The following CMTM8 variants were observed in gnomAD, a reference collection of about 807,000 sequenced individuals.
CMTM8 encodes CKLF-like MARVEL transmembrane domain-containing protein 8.
CMTM8 carries 12 observed loss-of-function variants against 18.6 expected under a neutral mutation model. The observed-to-expected ratio is 0.65, with a 90% CI of 0.41 to 1.05. The LOEUF is 1.05. CMTM8 is among the 50% of genes least tolerant of loss of function. CMTM8 has a pLI of 0.00. For synonymous variants in CMTM8, 87 were observed against 90.6 expected (o/e 0.96, Z 0.23); for missense variants, 217 against 227.2 (o/e 0.95, Z 0.29).
intron 1 of CMTM8, among the ~76,000 whole-genome samples, chr3:32,337,750 TG>T (rs1175322747): frequency 7.2e-5 from 11 of 152,280 alleles, no homozygotes; most frequent in Admixed American, 6.5e-4. Context: ...CACATGCTCC[TG>T]GGGGATACTG....
chr3:32,246,657 A>G (rs887336224), intron 1 of CMTM8, among the ~76,000 whole-genome samples: 1 of 152,230 alleles, frequency 6.6e-6, no homozygotes, highest in African/African-American at 2.4e-5. Context: ...TATTCCATAA[A>G]TATCCAGGCT....
intron 1 of CMTM8, 143 bp from the exon 2 acceptor site, chr3:32,357,230 G>A: frequency 1.3e-6 from 1 of 741,142 alleles, no homozygotes; most frequent in Non-Finnish European, 2.2e-6. Context: ...GGCGACGGGA[G>A]CGAGACTCCA....
At chr3:32,315,690 A>C (rs546108141) in intron 1 of CMTM8, among the ~76,000 whole-genome samples, 7 of 152,360 alleles carry the variant, frequency 4.6e-5, no homozygotes, top group Non-Finnish European at 7.3e-5. Flanking sequence ...GCTTGAGTCC[A>C]GCTTTTCCCA....
At chr3:32,307,196 TG>T (rs1275281522) in intron 1 of CMTM8, among the ~76,000 whole-genome samples, 1 of 152,086 alleles carries the variant, frequency 6.6e-6, no homozygotes, top group Non-Finnish European at 1.5e-5. Context: ...AAAAATTAGC[TG>T]GGCATGGTTG....
At chr3:32,360,076 G>A (rs1420636521) in intron 2 of CMTM8, among the ~76,000 whole-genome samples, 1 of 152,134 alleles carries the variant, frequency 6.6e-6, no homozygotes, top group Non-Finnish European at 1.5e-5. Flanking sequence ...CTTAAGCAAG[G>A]CTGTCAGCCT....
In CMTM8 at chr3:32,298,890, TACACACATACACACAC is replaced by T. The variant is rs1428320444; in HGVS notation, c.148-58463_148-58448del. Among the ~76,000 whole-genome samples, 345 of 144,778 alleles carry T rather than the reference TACACACATACACACAC, an allele frequency of 2.4e-3. 3 individuals carry two copies. The highest frequency in any genetic ancestry group is 4.0e-3 in the Non-Finnish European group (266 of 66,434). The allele number at this position is 144,778 out of a possible 152,430, so 95.0% of individuals were successfully genotyped here. A position where few individuals can be genotyped will look rare whatever the true frequency, so the allele number is the denominator to read the frequency against. On this transcript the variant is annotated intron_variant, in intron 1 of 3. Coordinates refer to ENST00000307526, the MANE Select transcript of CMTM8 (RefSeq NM_178868.5). ...ATATATACACACACATACATATATA[TACACACATACACACAC>T]ACACACATACACACACACATATATA...
chr3:32,238,629 C>G (rs1325810112), upstream of CMTM8: 1 of 153,974 alleles, frequency 6.5e-6, no homozygotes, highest in Non-Finnish European at 1.4e-5. Context: ...GGCGGTCCCT[C>G]TCCTGCCCGC....
Position 32,322,332 on chromosome 3 carries a change from T to C in CMTM8, c.148-35041T>C, listed in dbSNP as rs1696073600. On this transcript the variant is annotated intron_variant, in intron 1 of 3. Coordinates refer to ENST00000307526, the MANE Select transcript of CMTM8 (RefSeq NM_178868.5). ...TAATTATTTGGTCATCTTTCAAATA[T>C]TCTTTAGTGGTGTGTTTATTAATTA... Among the ~76,000 whole-genome samples the C allele has an allele frequency of 1.3e-5, 2 of 152,198 alleles. 1 individual carries two copies. Among genetic ancestry groups the C allele is most frequent in the African/African-American group, 4.8e-5 (2 of 41,442 alleles).
chr3:32,299,381 G>A (rs1695567413), intron 1 of CMTM8, among the ~76,000 whole-genome samples: 1 of 152,134 alleles, frequency 6.6e-6, no homozygotes, highest in African/African-American at 2.4e-5. Flanking sequence ...ATTCTATTTA[G>A]CTCAACTGTC....
At chr3:32,366,602 C>T (rs911877142) in intron 2 of CMTM8, among the ~76,000 whole-genome samples, 9 of 152,028 alleles carry the variant, frequency 5.9e-5, no homozygotes, top group African/African-American at 2.2e-4. Context: ...ATTGAAATGC[C>T]CATCAATAGG....
At chr3:32,343,798 C>T (rs1696545589) in intron 1 of CMTM8, among the ~76,000 whole-genome samples, 1 of 152,186 alleles carries the variant, frequency 6.6e-6, no homozygotes, top group Admixed American at 6.5e-5. Context: ...TTCCCAGGTT[C>T]AAGTGATTCT....
At chr3:32,310,669 A>G (rs1695802618) in intron 1 of CMTM8, among the ~76,000 whole-genome samples, 1 of 152,190 alleles carries the variant, frequency 6.6e-6, no homozygotes, top group Admixed American at 6.5e-5. Context: ...CTATGGGCTC[A>G]TGCTTTTGAG....
At chr3:32,242,617 T>C (rs1701958056) in intron 1 of CMTM8, among the ~76,000 whole-genome samples, 1 of 152,114 alleles carries the variant, frequency 6.6e-6, no homozygotes, top group South Asian at 2.1e-4. Context: ...CATGGGCCAC[T>C]GCACCTGGCT....
chr3:32,286,901 G>A (rs1702696842), intron 1 of CMTM8, among the ~76,000 whole-genome samples: 1 of 152,254 alleles, frequency 6.6e-6, no homozygotes, highest in African/African-American at 2.4e-5. Context: ...GTGTTGTCCA[G>A]GTGCACTTGT....
At position 32,346,038 on chromosome 3, in the gene CMTM8, C is replaced by T. The variant is rs564111730; in HGVS notation, c.148-11335C>T. 2.0e-5 allele frequency among the ~76,000 whole-genome samples: 3 copies of T among 152,280 alleles called. No homozygotes were observed. The South Asian group carries it at 6.2e-4, about 32-fold the overall frequency. ...GCGTGGTGGCTCATGCCTGTAGTCC[C>T]ACAGGCTTGGGAGGCCGAGGCAGGA... On this transcript the variant is annotated intron_variant, in intron 1 of 3. Coordinates refer to ENST00000307526, the MANE Select transcript of CMTM8 (RefSeq NM_178868.5).
At chr3:32,244,199 T>A (rs1002493950) in intron 1 of CMTM8, among the ~76,000 whole-genome samples, 1 of 151,884 alleles carries the variant, frequency 6.6e-6, no homozygotes, top group African/African-American at 2.4e-5. Context: ...ACCTAAGGAG[T>A]TTTTTTGAGA....
chr3:32,369,375 G>A (rs191913543), intron 3 of CMTM8, among the ~76,000 whole-genome samples: 4 of 152,210 alleles, frequency 2.6e-5, no homozygotes, highest in East Asian at 3.9e-4. Flanking sequence ...CACAAGCTTC[G>A]TCAAGACTGG....
intron 1 of CMTM8, among the ~76,000 whole-genome samples, chr3:32,313,528 C>T (rs973907661): frequency 1.9e-4 from 29 of 152,120 alleles, no homozygotes; most frequent in Non-Finnish European, 4.0e-4. Context: ...TGGTCTCAAA[C>T]TCCTGAGCTC....
intron 1 of CMTM8, among the ~76,000 whole-genome samples, chr3:32,311,570 A>G (rs1695819648): frequency 6.6e-6 from 1 of 152,138 alleles, no homozygotes; most frequent in South Asian, 2.1e-4. Flanking sequence ...ATCCAGGAGA[A>G]CTTCCTCACT....
Sources: allele counts gnomAD v4.1 joint callset (sites outside exome capture counted in the v4.1 genomes callset), GRCh38; gene constraint gnomAD v4.1.1; transcripts MANE v1.5; gene names NCBI Gene and HGNC (gene_info 2026-07-23, HGNC 2026-07-21).